The following FLACC1 variants were observed in gnomAD, a reference collection of about 807,000 sequenced individuals.
FLACC1 encodes flagellum associated containing coiled-coil domains 1.
Under a neutral mutation model 62.8 loss-of-function variants are expected in FLACC1, and 66 were observed. The ratio of observed to expected loss-of-function variants is 1.05; its 90% CI spans 0.86 to 1.29. The LOEUF (loss-of-function observed/expected upper bound fraction) is 1.29. Ranked by LOEUF, FLACC1 falls within the 50% of genes most tolerant of loss-of-function variation. The pLI, the probability that FLACC1 is intolerant of heterozygous loss-of-function variation, is 0.00. For missense variants in FLACC1, 452 were observed against 489.1 expected, an observed-to-expected ratio of 0.92 and a Z score of 0.71; for synonymous variants, 156 against 161.0, an observed-to-expected ratio of 0.97 and a Z score of 0.24.
chr2:201,363,290 G>A, the FLACC1 span, among the ~76,000 whole-genome samples: 1 of 151,818 alleles, frequency 6.6e-6, no homozygotes, highest in Non-Finnish European at 1.5e-5. Flanking sequence ...AGATTGTGGT[G>A]CAAGGGTGCC....
intron 11 of FLACC1, among the ~76,000 whole-genome samples, chr2:201,303,152 G>T (rs1284330086): frequency 1.3e-5 from 2 of 151,766 alleles, no homozygotes; most frequent in African/African-American, 4.8e-5. Context: ...CTGGTTTTTT[G>T]AAAAGATCAA....
At position 201,349,702 on chromosome 2, in the gene FLACC1, A is replaced by C. The variant is rs566306695; in HGVS notation, c.185+1009T>G. Among the ~76,000 whole-genome samples, 124 of 152,382 alleles carry C rather than the reference A, an allele frequency of 8.1e-4. 1 individual carries two copies. Among genetic ancestry groups the C allele is most frequent in the African/African-American group, 2.9e-3 (120 of 41,590 alleles). On this transcript the variant is annotated intron_variant, in intron 3 of 14. Transcript: ENST00000392257. ...CGAGTAAAAATTTTAATTTGTGATT[A>C]AAACCAAGATGCAACCCATAGAAAA...
chr2:201,339,692 T>G lies in FLACC1; in HGVS notation c.524+2678A>C, dbSNP rs192529050. 2.0e-5 allele frequency among the ~76,000 whole-genome samples: 3 copies of G among 152,334 alleles called. No homozygotes were observed. The East Asian group carries it at 5.8e-4, about 29-fold the overall frequency. On this transcript the variant is annotated intron_variant, in intron 7 of 14. Coordinates refer to ENST00000392257, the MANE Select transcript of FLACC1 (RefSeq NM_001127391.3). ...TCATTCAGGAGAATGCTGTTTAATT[T>G]CCATGCGTTTGTATAGTTTCCAAAG...
At chr2:201,339,946 T>C (rs1445735573) in intron 7 of FLACC1, among the ~76,000 whole-genome samples, 2 of 152,054 alleles carry the variant, frequency 1.3e-5, no homozygotes, top group Non-Finnish European at 2.9e-5. Context: ...GCAGTAGCAA[T>C]AGTGGGACAA....
intron 9 of FLACC1, among the ~76,000 whole-genome samples, chr2:201,310,222 G>A (rs1038328406): frequency 2.6e-5 from 4 of 150,978 alleles, no homozygotes; most frequent in African/African-American, 4.9e-5. Context: ...CCACTCACAC[G>A]TCTTAGGCTC....
chr2:201,305,390 T>A (rs11675362), intron 11 of FLACC1, among the ~76,000 whole-genome samples: 51,117 of 152,074 alleles, frequency 0.34, 10,108 homozygotes, highest in East Asian at 0.48. Flanking sequence ...TGAGATGCCA[T>A]CTCACACCAG....
chr2:201,350,329 G>A (rs2125622847), intron 3 of FLACC1, among the ~76,000 whole-genome samples: 1 of 152,300 alleles, frequency 6.6e-6, no homozygotes, highest in South Asian at 2.1e-4. Context: ...AGGTTGGAAT[G>A]AGCCAAGATG....
chr2:201,320,058 A>C (rs764698369), intron 9 of FLACC1, among the ~76,000 whole-genome samples: 2 of 152,220 alleles, frequency 1.3e-5, no homozygotes, highest in African/African-American at 2.4e-5. Flanking sequence ...CAGCACAGGA[A>C]CTGACTTGGG....
At chr2:201,310,839 T>A (rs1950204029) in intron 9 of FLACC1, among the ~76,000 whole-genome samples, 1 of 151,864 alleles carries the variant, frequency 6.6e-6, no homozygotes, top group Non-Finnish European at 1.5e-5. Flanking sequence ...ATACAAAGAA[T>A]CAATGAAACA....
At chr2:201,339,693 C>A (rs575315212) in intron 7 of FLACC1, among the ~76,000 whole-genome samples, 4 of 152,134 alleles carry the variant, frequency 2.6e-5, no homozygotes, top group Middle Eastern at 3.4e-3. Flanking sequence ...TGTTTAATTT[C>A]CATGCGTTTG....
intron 4 of FLACC1, among the ~76,000 whole-genome samples, chr2:201,347,054 ATC>A (rs1950930151): frequency 6.6e-6 from 1 of 152,244 alleles, no homozygotes; most frequent in Admixed American, 6.5e-5. Flanking sequence ...GCCATCCAGC[ATC>A]TCTGTGCCTC....
upstream of FLACC1, among the ~76,000 whole-genome samples, chr2:201,360,533 G>A (rs1334253312): frequency 1.3e-5 from 2 of 152,186 alleles, no homozygotes; most frequent in Non-Finnish European, 2.9e-5. Context: ...TAAGAAGCTT[G>A]TAATTATCTC....
At chr2:201,335,652 T>G (rs1209638757) in intron 7 of FLACC1, among the ~76,000 whole-genome samples, 2 of 152,190 alleles carry the variant, frequency 1.3e-5, no homozygotes, top group Admixed American at 1.3e-4. Context: ...ATTTTGGCTA[T>G]TTGGGGACTT....
intron 11 of FLACC1, among the ~76,000 whole-genome samples, chr2:201,303,465 C>G (rs950441246): frequency 2.4e-4 from 36 of 152,160 alleles, no homozygotes; most frequent in African/African-American, 8.2e-4. Flanking sequence ...AAAAGTCCAG[C>G]ACCAGACGGA....
At chr2:201,334,864 T>C (rs1307590661) in intron 7 of FLACC1, among the ~76,000 whole-genome samples, 3 of 151,952 alleles carry the variant, frequency 2.0e-5, no homozygotes, top group East Asian at 1.9e-4. Context: ...CTGAGAAGAA[T>C]TGATGTTAGT....
intron 3 of FLACC1, 27 bp downstream of exon 3, chr2:201,350,684 A>AACAAAACAAAACAAAAC (rs1553617236): frequency 2.2e-6 from 1 of 454,406 alleles, no homozygotes; most frequent in Non-Finnish European, 3.6e-6. Context: ...CCATCTCAAA[A>AACAAAACAAAACAAAAC]ACAAAACAAA....
intron 9 of FLACC1, among the ~76,000 whole-genome samples, chr2:201,312,282 A>G (rs1401232997): frequency 6.6e-6 from 1 of 152,242 alleles, no homozygotes; most frequent in Non-Finnish European, 1.5e-5. Flanking sequence ...TCTATACACC[A>G]ATAATGTCCA....
intron 12 of FLACC1, among the ~76,000 whole-genome samples, chr2:201,290,265 C>T (rs1418802088): frequency 6.6e-6 from 1 of 151,976 alleles, no homozygotes; most frequent in Non-Finnish European, 1.5e-5. Context: ...AAGAGAGAAC[C>T]CTCATGTAAA....
At chr2:201,354,974 G>A (rs1576486526) in intron 1 of FLACC1, among the ~76,000 whole-genome samples, 1 of 152,300 alleles carries the variant, frequency 6.6e-6, no homozygotes, top group East Asian at 1.9e-4. Flanking sequence ...GCTCATCATG[G>A]TGGTTGGGGC....
Sources: gnomAD v4.1 joint callset for allele counts (sites outside exome capture counted in the v4.1 genomes callset) on GRCh38, gnomAD v4.1.1 for gene constraint, MANE v1.5 for transcripts, NCBI Gene and HGNC (gene_info 2026-07-23, HGNC 2026-07-21) for gene names.